Variants in ZNF804B observed in about 807,000 individuals in gnomAD.
ZNF804B encodes the protein zinc finger 804B.
A neutral mutation model predicts 101.4 loss-of-function variants in ZNF804B; 80 were observed. That is an observed-to-expected ratio of 0.79 (90% confidence interval 0.66 to 0.95). The LOEUF (loss-of-function observed/expected upper bound fraction) is 0.95, where lower values mean the gene tolerates loss of function less well. Ranked by LOEUF, ZNF804B falls within the 40% of genes least tolerant of loss-of-function variation. ZNF804B has a pLI of 0.00. For missense variants in ZNF804B, 1,673 were observed against 1,561.9 expected, an observed-to-expected ratio of 1.07 and a Z score of -1.20; for synonymous variants, 622 against 558.8, an observed-to-expected ratio of 1.11 and a Z score of -1.59.
chr7:88,759,891 C>T lies in ZNF804B; in HGVS notation c.-86C>T, dbSNP rs1789864734. On this transcript the variant is annotated 5_prime_UTR_variant, in exon 1 of 4. Coordinates refer to ENST00000333190, the MANE Select transcript of ZNF804B (RefSeq NM_181646.5). ...CCGCGTCTTCTCGGGAGGTGGTAGT[C>T]GCTGTTGCCGCTGAGAAACCCGCCC... 1 of 1,096,234 alleles carries T rather than the reference C, an allele frequency of 9.1e-7. No individual in the cohort carries two copies. The highest frequency in any genetic ancestry group is 1.4e-6 in the Non-Finnish European group (1 of 720,148). The allele number at this position is 1,096,234 out of a possible 1,614,324, so 67.9% of individuals were successfully genotyped here.
chr7:88,981,736 C>T (rs1333979053), intron 1 of ZNF804B, among the ~76,000 whole-genome samples: 1 of 151,984 alleles, frequency 6.6e-6, no homozygotes, highest in African/African-American at 2.4e-5. Flanking sequence ...CTGAATTCTG[C>T]CCTCTATTGC....
chr7:88,861,959 G>A (rs531468889), intron 1 of ZNF804B, among the ~76,000 whole-genome samples: 14 of 152,224 alleles, frequency 9.2e-5, no homozygotes, highest in African/African-American at 3.4e-4. Flanking sequence ...CTGTGTTGGG[G>A]CTGGGGGGAC....
At chr7:89,199,760 T>G (rs1418542178) in intron 1 of ZNF804B, among the ~76,000 whole-genome samples, 1 of 151,610 alleles carries the variant, frequency 6.6e-6, no homozygotes, top group Non-Finnish European at 1.5e-5. Flanking sequence ...TCTTTCTATT[T>G]TTGTCACTTC....
intron 1 of ZNF804B, among the ~76,000 whole-genome samples, chr7:88,965,836 A>T (rs1793445348): frequency 6.6e-6 from 1 of 151,520 alleles, no homozygotes; most frequent in South Asian, 2.1e-4. Context: ...TTAAGATGAC[A>T]ATCAATCAGA....
At chr7:89,094,260 A>G (rs1305397613) in intron 1 of ZNF804B, among the ~76,000 whole-genome samples, 2 of 152,214 alleles carry the variant, frequency 1.3e-5, no homozygotes. Context: ...GCCTGTATAA[A>G]TCATTATCTC....
intron 1 of ZNF804B, among the ~76,000 whole-genome samples, chr7:89,132,613 A>G (rs1037912144): frequency 1.3e-4 from 20 of 152,010 alleles, no homozygotes. Flanking sequence ...GTAAACTATC[A>G]TATCAATTTT....
At chr7:88,952,999 A>T (rs1417645923) in intron 1 of ZNF804B, among the ~76,000 whole-genome samples, 1 of 151,736 alleles carries the variant, frequency 6.6e-6, no homozygotes, top group Non-Finnish European at 1.5e-5. Flanking sequence ...AAAGACTAGC[A>T]TTGGTATAGG....
intron 1 of ZNF804B, among the ~76,000 whole-genome samples, chr7:89,174,646 A>G (rs539038523): frequency 6.6e-6 from 1 of 151,932 alleles, no homozygotes; most frequent in East Asian, 1.9e-4. Flanking sequence ...TGGTAGTTCT[A>G]TTTTTGCTTT....
intron 1 of ZNF804B, among the ~76,000 whole-genome samples, chr7:89,099,039 ATATAT>A (rs1225097373): frequency 4.3e-4 from 64 of 147,742 alleles, no homozygotes; most frequent in Non-Finnish European, 8.4e-4. Flanking sequence ...TATATATATT[ATATAT>A]TATATATATA....
chr7:88,882,009 A>G (rs1475068943), intron 1 of ZNF804B, among the ~76,000 whole-genome samples: 1 of 152,188 alleles, frequency 6.6e-6, no homozygotes, highest in Non-Finnish European at 1.5e-5. Context: ...ATTATTCTCA[A>G]TAAAACCAAA....
intron 2 of ZNF804B, among the ~76,000 whole-genome samples, chr7:89,323,145 G>T (rs1055849640): frequency 1.3e-5 from 2 of 152,202 alleles, no homozygotes; most frequent in Non-Finnish European, 2.9e-5. Flanking sequence ...ATGTCCATCT[G>T]CAAACCAGGA....
chr7:88,879,685 C>T (rs1184607491), intron 1 of ZNF804B, among the ~76,000 whole-genome samples: 1 of 152,076 alleles, frequency 6.6e-6, no homozygotes, highest in Non-Finnish European at 1.5e-5. Flanking sequence ...CTGGACCGCA[C>T]CCTGTGGAAA....
intron 1 of ZNF804B, among the ~76,000 whole-genome samples, chr7:88,760,916 AATAT>A (rs941659276): frequency 6.8e-6 from 1 of 146,540 alleles, no homozygotes; most frequent in East Asian, 2.0e-4. Flanking sequence ...ATATATAATA[AATAT>A]ATATATAATA....
intron 1 of ZNF804B, among the ~76,000 whole-genome samples, chr7:89,006,714 C>T (rs910826460): frequency 6.6e-6 from 1 of 152,026 alleles, no homozygotes; most frequent in African/African-American, 2.4e-5. Flanking sequence ...GTTCTCTCAC[C>T]AGCAAACACT....
chr7:89,294,908 C>T (rs1013350077), intron 2 of ZNF804B, among the ~76,000 whole-genome samples: 1 of 152,046 alleles, frequency 6.6e-6, no homozygotes, highest in African/African-American at 2.4e-5. Flanking sequence ...AATGGGGATT[C>T]ACTTTCATAT....
At chr7:89,328,696 T>C (rs1245362301) in intron 3 of ZNF804B, among the ~76,000 whole-genome samples, 1 of 151,890 alleles carries the variant, frequency 6.6e-6, no homozygotes, top group African/African-American at 2.4e-5. Flanking sequence ...AAAGTGTTAA[T>C]TCCTGTGATT....
intron 2 of ZNF804B, among the ~76,000 whole-genome samples, chr7:89,306,543 G>C (rs998884671): frequency 6.6e-6 from 1 of 151,944 alleles, no homozygotes; most frequent in Non-Finnish European, 1.5e-5. Context: ...AATTATGTGA[G>C]TCTGGCCTTG....
chr7:88,868,085 G>A (rs974026486), intron 1 of ZNF804B, among the ~76,000 whole-genome samples: 6 of 140,248 alleles, frequency 4.3e-5, no homozygotes, highest in Non-Finnish European at 7.7e-5. Context: ...GTGTGTGTGT[G>A]TATTATGCTT....
chr7:89,207,924 T>C (rs991357992), intron 1 of ZNF804B, among the ~76,000 whole-genome samples: 2 of 152,142 alleles, frequency 1.3e-5, no homozygotes, highest in African/African-American at 4.8e-5. Flanking sequence ...GTCACTCTTT[T>C]TCCTTCCTCA....
Sources: gnomAD v4.1 joint callset for allele counts (sites outside exome capture counted in the v4.1 genomes callset) on GRCh38, gnomAD v4.1.1 for gene constraint, MANE v1.5 for transcripts, NCBI Gene and HGNC (gene_info 2026-07-23, HGNC 2026-07-21) for gene names.